LAMB4: variants seen among roughly 807,000 people sequenced by gnomAD.
LAMB4 encodes laminin subunit beta 4.
LAMB4 carries 196 observed loss-of-function variants against 199.2 expected under a neutral mutation model. The ratio of observed to expected loss-of-function variants is 0.98; its 90% CI spans 0.88 to 1.11. The LOEUF (loss-of-function observed/expected upper bound fraction) is 1.11. Ranked by LOEUF, LAMB4 falls within the 50% of genes least tolerant of loss-of-function variation. LAMB4 has a pLI of 0.00. For missense variants in LAMB4, 2,080 were observed against 2,171.2 expected (o/e 0.96, Z 0.83); for synonymous variants, 744 against 770.6 (o/e 0.97, Z 0.57).
At chr7:108,116,919 C>A (rs528894447) in intron 2 of LAMB4, among the ~76,000 whole-genome samples, 10 of 152,274 alleles carry the variant, frequency 6.6e-5, no homozygotes, top group African/African-American at 2.4e-4. Flanking sequence ...TGCTTGTAGT[C>A]CCAGCTACTC....
the LAMB4 span, among the ~76,000 whole-genome samples, chr7:108,012,659 G>C: frequency 1.3e-5 from 2 of 152,218 alleles, no homozygotes; most frequent in Admixed American, 1.3e-4. Context: ...CATCACATCT[G>C]TGTGCTTCAG....
the LAMB4 span, among the ~76,000 whole-genome samples, chr7:108,012,613 C>G: frequency 6.6e-6 from 1 of 152,194 alleles, no homozygotes; most frequent in Non-Finnish European, 1.5e-5. Context: ...TACTGAATGA[C>G]AAGGCAAGCT....
intron 3 of LAMB4, among the ~76,000 whole-genome samples, chr7:108,112,965 CT>C (rs2150675739): frequency 6.6e-6 from 1 of 152,354 alleles, no homozygotes; most frequent in South Asian, 2.1e-4. Context: ...GCTTTTCACT[CT>C]CTTGACTCTG....
At chr7:108,124,136 C>A (rs1409857393) in intron 1 of LAMB4, among the ~76,000 whole-genome samples, 1 of 152,124 alleles carries the variant, frequency 6.6e-6, no homozygotes, top group Non-Finnish European at 1.5e-5. Context: ...CCACCTCAGC[C>A]TCCCCAGTAG....
chr7:108,125,672 T>G (rs1263436516), intron 1 of LAMB4, among the ~76,000 whole-genome samples: 1 of 152,212 alleles, frequency 6.6e-6, no homozygotes, highest in Non-Finnish European at 1.5e-5. Context: ...GGGCTAATCT[T>G]TTCCTACATC....
chr7:108,053,366 T>C (rs1176159784), intron 25 of LAMB4, among the ~76,000 whole-genome samples: 1 of 152,194 alleles, frequency 6.6e-6, no homozygotes, highest in Non-Finnish European at 1.5e-5. Context: ...CTTCCACCTG[T>C]AGTTTACCCA....
At chr7:108,115,285 C>T (rs1370329073) in intron 3 of LAMB4, among the ~76,000 whole-genome samples, 2 of 152,338 alleles carry the variant, frequency 1.3e-5, no homozygotes, top group East Asian at 1.9e-4. Context: ...CTTTGAATTA[C>T]ATGAGAGTTG....
chr7:108,099,026 C>T (rs2037728209), intron 10 of LAMB4, among the ~76,000 whole-genome samples: 1 of 152,152 alleles, frequency 6.6e-6, no homozygotes, highest in East Asian at 1.9e-4. Flanking sequence ...TTAAAAAAGA[C>T]TCTAAAGGTG....
chr7:108,019,076 G>T (rs939693996), downstream of LAMB4, among the ~76,000 whole-genome samples: 15 of 152,110 alleles, frequency 9.9e-5, no homozygotes, highest in African/African-American at 3.6e-4. Flanking sequence ...GTTTCCTCTT[G>T]TTGCTGTAAC....
intron 23 of LAMB4, among the ~76,000 whole-genome samples, chr7:108,062,164 C>T (rs1040580636): frequency 3.3e-5 from 5 of 152,206 alleles, no homozygotes; most frequent in African/African-American, 1.2e-4. Flanking sequence ...ATGTTATCCT[C>T]ATTAAAAATT....
chr7:108,084,212 C>A (rs1463463977), intron 14 of LAMB4, among the ~76,000 whole-genome samples: 1 of 152,096 alleles, frequency 6.6e-6, no homozygotes, highest in African/African-American at 2.4e-5. Flanking sequence ...GCCTTGGTAC[C>A]AACTGCAGCA....
Position 108,109,290 on chromosome 7 carries a change from T to C in LAMB4, c.329-46A>G, listed in dbSNP as rs780912796. ...AAGAAAATCAGTGATTTTGAGAGAC[T>C]TCTGCTTATCATGTTAATTCCCCAT... On this transcript the variant is annotated intron_variant, in intron 4 of 33. Transcript: ENST00000388781. 3.7e-6 allele frequency: 5 copies of C among 1,360,072 alleles called. No individual in the cohort carries two copies. The Admixed American group carries it at 8.4e-5, about 23-fold the overall frequency. The allele number at this position is 1,360,072 out of a possible 1,614,324, so 84.3% of individuals were successfully genotyped here.
chr7:108,030,757 A>G (rs2034997521), intron 32 of LAMB4, 49 bp downstream of exon 32: 1 of 1,572,268 alleles, frequency 6.4e-7, no homozygotes. Flanking sequence ...ACTATCTTTC[A>G]AAGAAGCCCT....
rs752204615 is a variant in LAMB4, at chr7:108,066,453, C to T, written c.2594G>A (p.Cys865Tyr). ...FGFPSCHPCP[C>Y]NRFAELCDPE... ...ATCACAAAGTTCAGCAAACCTATTACAAGGGCAAGGGTGGCAGCTGGGAAA... is the reference window on the plus strand; with the variant it reads ...ATCACAAAGTTCAGCAAACCTATTATAAGGGCAAGGGTGGCAGCTGGGAAA... Residue 865 changes from cysteine to tyrosine, a missense_variant, in exon 20 of 34, where the codon TGT (cysteine) becomes TAT (tyrosine). Transcript: ENST00000388781. The T allele has an allele frequency of 1.8e-5, 29 of 1,614,186 alleles. No homozygotes were observed. The South Asian group carries it at 2.2e-4, about 12-fold the overall frequency.
rs567429818 is a variant in LAMB4, at chr7:108,068,231, A to T, written c.2303-72T>A. 1.1e-5 allele frequency: 16 copies of T among 1,494,750 alleles called. No individual in the cohort carries two copies. The Admixed American group carries it at 2.3e-4, about 21-fold the overall frequency. The allele number at this position is 1,494,750 out of a possible 1,614,324, so 92.6% of individuals were successfully genotyped here. On this transcript the variant is annotated intron_variant, in intron 18 of 33. Transcript: ENST00000388781. ...GAAGCACCTCACCTTGTTAGTAGCT[A>T]TAGTTCACCTCTCTCTCATTTAAGA...
Position 108,062,796 on chromosome 7 carries a change from G to A in LAMB4, c.3260C>T (p.Ser1087Phe). The A allele has an allele frequency of 7.0e-7, 1 of 1,438,802 alleles. No individual in the cohort carries two copies. Among genetic ancestry groups the A allele is most frequent in the Non-Finnish European group, 9.2e-7 (1 of 1,090,074 alleles). 89.1% of individuals were successfully genotyped at this position (1,438,802 alleles called of 1,614,324 possible). Residue 1087 changes from serine (S) to phenylalanine (F), a missense_variant, in exon 23 of 34, where the codon TCT becomes TTT. By Grantham distance (155) the Ser-to-Phe change is radical. Coordinates refer to ENST00000388781, the MANE Select transcript of LAMB4 (RefSeq NM_007356.3). ...CQSCDCDPRT[S>F]QSSHCDQLTG... ...TGCCTGGTCACAGTGGCTACTTTGAGAGGTCCTAGGGTCACAGTCACATGA... is the reference window on the plus strand; with the variant it reads ...TGCCTGGTCACAGTGGCTACTTTGAAAGGTCCTAGGGTCACAGTCACATGA...
intron 33 of LAMB4, among the ~76,000 whole-genome samples, chr7:108,025,378 CTTTTCTTTTCT>C (rs139575533): frequency 9.4e-6 from 1 of 106,458 alleles, no homozygotes; most frequent in Admixed American, 8.6e-5. Context: ...TTCTTTCTTT[CTTTTCTTTTCT>C]TTTCTTTCTT....
chr7:108,097,153 T>C (rs1275883939), intron 11 of LAMB4, among the ~76,000 whole-genome samples: 1 of 152,094 alleles, frequency 6.6e-6, no homozygotes. Flanking sequence ...AAGAAGAGCG[T>C]TTTATTACAG....
chr7:108,107,106 G>A (rs1018220974), intron 6 of LAMB4, among the ~76,000 whole-genome samples: 2 of 152,140 alleles, frequency 1.3e-5, no homozygotes, highest in African/African-American at 4.8e-5. Context: ...CAGACAATTT[G>A]GCAAGCCATG....
Sources: allele counts gnomAD v4.1 joint callset (sites outside exome capture counted in the v4.1 genomes callset), GRCh38; gene constraint gnomAD v4.1.1; transcripts MANE v1.5; gene names NCBI Gene and HGNC (gene_info 2026-07-23, HGNC 2026-07-21).